The following NREP variants were observed in gnomAD, a reference collection of about 807,000 sequenced individuals.
The protein encoded by NREP is neuronal regeneration related protein.
A neutral mutation model predicts 8.6 loss-of-function variants in NREP; 5 were observed. The ratio of observed to expected loss-of-function variants is 0.58; its 90% confidence interval spans 0.30 to 1.22. The LOEUF (loss-of-function observed/expected upper bound fraction) is 1.22, where lower values mean the gene tolerates loss of function less well. Among genes scored for constraint, NREP ranks in the 50% most tolerant of loss-of-function variants. NREP has a pLI of 0.07. For missense variants in NREP, 86 were observed against 82.5 expected, an observed-to-expected ratio of 1.04 and a Z score of -0.17; for synonymous variants, 27 against 28.0, an observed-to-expected ratio of 0.96 and a Z score of 0.11.
intron 2 of NREP, among the ~76,000 whole-genome samples, chr5:111,833,420 T>C (rs963291531): frequency 2.6e-5 from 4 of 152,234 alleles, no homozygotes; most frequent in Non-Finnish European, 4.4e-5. Context: ...TTGTTATGAA[T>C]GACAGAATCA....
At chr5:111,899,697 C>T (rs776130929) in intron 2 of NREP, among the ~76,000 whole-genome samples, 4 of 152,050 alleles carry the variant, frequency 2.6e-5, no homozygotes, top group Non-Finnish European at 5.9e-5. Flanking sequence ...CTACAAGAAA[C>T]TCACTTTAAC....
intron 2 of NREP, among the ~76,000 whole-genome samples, chr5:111,880,587 G>C (rs1754030074): frequency 6.6e-6 from 1 of 152,120 alleles, no homozygotes; most frequent in Admixed American, 6.5e-5. Context: ...TATTGGATTA[G>C]GGACCATCAT....
chr5:111,860,514 G>T (rs550155453), intron 2 of NREP, among the ~76,000 whole-genome samples: 1 of 152,176 alleles, frequency 6.6e-6, no homozygotes, highest in South Asian at 2.1e-4. Flanking sequence ...GTCAGTTAGT[G>T]CTTAGGTTAC....
chr5:111,802,659 A>G (rs1161819575), intron 2 of NREP, among the ~76,000 whole-genome samples: 1 of 152,236 alleles, frequency 6.6e-6, no homozygotes, highest in African/African-American at 2.4e-5. Context: ...ATGTTAGCCA[A>G]AACAAATCAA....
At chr5:111,895,974 T>A (rs573724762) in intron 2 of NREP, among the ~76,000 whole-genome samples, 1 of 152,158 alleles carries the variant, frequency 6.6e-6, no homozygotes, top group Non-Finnish European at 1.5e-5. Flanking sequence ...TGAATGAACA[T>A]CAACCCTGCT....
intron 2 of NREP, among the ~76,000 whole-genome samples, chr5:111,954,959 G>T (rs1318200312): frequency 1.3e-5 from 2 of 152,170 alleles, no homozygotes; most frequent in East Asian, 1.9e-4. Flanking sequence ...AGCAGGATGG[G>T]AGTTTGTTAA....
At chr5:111,936,058 C>A (rs1172511672) in intron 2 of NREP, among the ~76,000 whole-genome samples, 1 of 152,028 alleles carries the variant, frequency 6.6e-6, no homozygotes, top group African/African-American at 2.4e-5. Context: ...TAATCTCTGC[C>A]TTTGTCTTCC....
At chr5:111,779,677 G>C (rs1023834889) in intron 2 of NREP, among the ~76,000 whole-genome samples, 2 of 152,098 alleles carry the variant, frequency 1.3e-5, no homozygotes, top group Non-Finnish European at 2.9e-5. Context: ...TCCAGAATCT[G>C]GCTAGAGACT....
At chr5:111,954,688 G>C (rs905088961) in intron 2 of NREP, among the ~76,000 whole-genome samples, 1 of 152,082 alleles carries the variant, frequency 6.6e-6, no homozygotes, top group African/African-American at 2.4e-5. Flanking sequence ...TACAAAGCAG[G>C]AAGTAATAAA....
intron 2 of NREP, among the ~76,000 whole-genome samples, chr5:111,922,746 G>A (rs967850878): frequency 4.6e-5 from 7 of 152,180 alleles, no homozygotes; most frequent in Non-Finnish European, 8.8e-5. Flanking sequence ...GTTGGAGGCT[G>A]GCAAATGGAG....
intron 2 of NREP, among the ~76,000 whole-genome samples, chr5:111,833,143 A>G (rs1752814292): frequency 6.6e-6 from 1 of 152,196 alleles, no homozygotes. Flanking sequence ...AAAATGTTTA[A>G]AGAAAAACCA....
At chr5:111,976,181 T>C (rs1389117559) in intron 1 of NREP, among the ~76,000 whole-genome samples, 2 of 152,188 alleles carry the variant, frequency 1.3e-5, no homozygotes, top group Non-Finnish European at 2.9e-5. Context: ...GAAAAGATTA[T>C]ACAATAGCTT....
chr5:111,945,866 A>C (rs1755964602), intron 2 of NREP, among the ~76,000 whole-genome samples: 1 of 152,060 alleles, frequency 6.6e-6, no homozygotes, highest in African/African-American at 2.4e-5. Context: ...TTTAGACAGC[A>C]TCAGCAAGTT....
At chr5:111,743,264 GAAAAAAA>G (rs397817022) in intron 2 of NREP, among the ~76,000 whole-genome samples, 5 of 144,404 alleles carry the variant, frequency 3.5e-5, no homozygotes, top group Non-Finnish European at 7.6e-5. Context: ...CTTTAGTGAA[GAAAAAAA>G]AAAAAATCAG....
At chr5:111,899,645 G>C (rs187010407) in intron 2 of NREP, among the ~76,000 whole-genome samples, 2 of 152,280 alleles carry the variant, frequency 1.3e-5, no homozygotes, top group Non-Finnish European at 2.9e-5. Flanking sequence ...AAAAGATATA[G>C]ACTGGTTGAA....
intron 2 of NREP, among the ~76,000 whole-genome samples, chr5:111,856,997 G>A (rs749781324): frequency 2.0e-5 from 3 of 152,126 alleles, no homozygotes; most frequent in Non-Finnish European, 4.4e-5. Flanking sequence ...GTATGTTTCA[G>A]TTTAGCCTTT....
At chr5:111,946,247 G>A (rs1755980309) in intron 2 of NREP, among the ~76,000 whole-genome samples, 2 of 151,006 alleles carry the variant, frequency 1.3e-5, no homozygotes, top group African/African-American at 4.9e-5. Flanking sequence ...AAAAAAAAAT[G>A]GGCATAGAAT....
At chr5:111,972,552 C>T (rs959341332) in intron 2 of NREP, among the ~76,000 whole-genome samples, 6 of 152,102 alleles carry the variant, frequency 3.9e-5, no homozygotes, top group Non-Finnish European at 8.8e-5. Flanking sequence ...GGCAGCAGTT[C>T]CTATGTCAGA....
intron 2 of NREP, among the ~76,000 whole-genome samples, chr5:111,967,229 G>A (rs949354712): frequency 4.6e-5 from 7 of 152,120 alleles, no homozygotes; most frequent in South Asian, 4.1e-4. Flanking sequence ...GCACGAGCCC[G>A]TCATGCACCA....
Sources: allele counts gnomAD v4.1 joint callset (sites outside exome capture counted in the v4.1 genomes callset), GRCh38; gene constraint gnomAD v4.1.1; transcripts MANE v1.5; gene names NCBI Gene and HGNC (gene_info 2026-07-23, HGNC 2026-07-21).